NRXN1: variants seen among roughly 807,000 people sequenced by gnomAD.
NRXN1 encodes the protein neurexin-1.
NRXN1 carries 39 observed loss-of-function variants against 150.9 expected under a neutral mutation model. The ratio of observed to expected loss-of-function variants is 0.26; its 90% CI spans 0.20 to 0.34. The LOEUF (loss-of-function observed/expected upper bound fraction) is 0.34. Among genes scored for constraint, NRXN1 ranks in the 10% least tolerant of loss-of-function variants. The pLI, the probability that NRXN1 is intolerant of heterozygous loss-of-function variation, is 1.00. For missense variants in NRXN1, 1,815 were observed against 1,949.9 expected (o/e 0.93, Z 1.30); for synonymous variants, 924 against 757.0 (o/e 1.22, Z -3.62).
chr2:50,813,845 T>C (rs1668558220), intron 5 of NRXN1, among the ~76,000 whole-genome samples: 1 of 152,196 alleles, frequency 6.6e-6, no homozygotes, highest in Non-Finnish European at 1.5e-5. Context: ...TTCACTGAAC[T>C]ACTAATTATT....
chr2:50,984,016 G>A (rs1167662250), intron 2 of NRXN1, among the ~76,000 whole-genome samples: 1 of 151,622 alleles, frequency 6.6e-6, no homozygotes, highest in Admixed American at 6.6e-5. Flanking sequence ...TGCCCAGGCT[G>A]GAAGGCAGTA....
intron 5 of NRXN1, among the ~76,000 whole-genome samples, chr2:50,884,549 T>C (rs1158549277): frequency 1.3e-5 from 2 of 151,766 alleles, no homozygotes; most frequent in African/African-American, 2.4e-5. Context: ...CTAGAGATCA[T>C]GTATTCATGT....
chr2:50,997,880 T>A (rs1038332353), intron 2 of NRXN1, among the ~76,000 whole-genome samples: 1 of 141,376 alleles, frequency 7.1e-6, no homozygotes, highest in Non-Finnish European at 1.5e-5. Flanking sequence ...TAATAAACAC[T>A]CTTCCTTAAA....
At chr2:50,253,873 C>A (rs372285384) in intron 17 of NRXN1, among the ~76,000 whole-genome samples, 6 of 150,690 alleles carry the variant, frequency 4.0e-5, no homozygotes, top group Admixed American at 6.6e-5. Flanking sequence ...CTGAAGTTTT[C>A]TTTTTTTTTG....
intron 17 of NRXN1, among the ~76,000 whole-genome samples, chr2:50,293,193 A>G (rs1238832139): frequency 6.6e-6 from 1 of 151,794 alleles, no homozygotes; most frequent in African/African-American, 2.4e-5. Flanking sequence ...CCTGCATAGA[A>G]CTCGTCTCAG....
intron 12 of NRXN1, among the ~76,000 whole-genome samples, chr2:50,509,018 T>C (rs2092352353): frequency 6.6e-6 from 1 of 152,178 alleles, no homozygotes; most frequent in Non-Finnish European, 1.5e-5. Context: ...GGTTGCTGAG[T>C]GCTTATTATG....
At chr2:50,488,766 G>C (rs1281932108) in intron 15 of NRXN1, among the ~76,000 whole-genome samples, 1 of 152,198 alleles carries the variant, frequency 6.6e-6, no homozygotes, top group Non-Finnish European at 1.5e-5. Context: ...AAACCCTGAA[G>C]ATTTAAATCT....
chr2:50,834,568 G>C (rs1030820080), intron 5 of NRXN1, among the ~76,000 whole-genome samples: 1 of 152,086 alleles, frequency 6.6e-6, no homozygotes, highest in Admixed American at 6.6e-5. Flanking sequence ...ATTGAGATAA[G>C]AATAATTGGT....
At chr2:49,929,177 C>G (rs983706750) in intron 22 of NRXN1, among the ~76,000 whole-genome samples, 10 of 152,074 alleles carry the variant, frequency 6.6e-5, no homozygotes, top group Admixed American at 6.6e-4. Context: ...CATCATGTGC[C>G]TGCATGATGG....
chr2:50,622,293 C>T (rs1680167245), intron 6 of NRXN1, among the ~76,000 whole-genome samples: 1 of 152,096 alleles, frequency 6.6e-6, no homozygotes, highest in East Asian at 1.9e-4. Flanking sequence ...TAGTATAAAC[C>T]TTTCAGAACA....
At chr2:50,873,693 A>G (rs544200008) in intron 5 of NRXN1, among the ~76,000 whole-genome samples, 14 of 151,794 alleles carry the variant, frequency 9.2e-5, no homozygotes, top group Non-Finnish European at 1.9e-4. Flanking sequence ...AGATTGAGTA[A>G]TTTTTCAAAA....
At chr2:50,320,755 G>A (rs1197626491) in intron 17 of NRXN1, among the ~76,000 whole-genome samples, 1 of 152,074 alleles carries the variant, frequency 6.6e-6, no homozygotes, top group Non-Finnish European at 1.5e-5. Flanking sequence ...TATGGAGGGG[G>A]CTGATGCCAG....
At chr2:50,539,822 G>T (rs2093349645) in intron 9 of NRXN1, among the ~76,000 whole-genome samples, 1 of 152,226 alleles carries the variant, frequency 6.6e-6, no homozygotes, top group Non-Finnish European at 1.5e-5. Context: ...ACACAAGAGA[G>T]ACCTGGAGAT....
chr2:50,497,794 T>C, intron 13 of NRXN1, 80 bp from the exon 14 acceptor site: 1 of 1,370,584 alleles, frequency 7.3e-7, no homozygotes, highest in Non-Finnish European at 1.0e-6. Context: ...CAATATCACA[T>C]TCTAAAATAC....
chr2:50,378,214 G>T lies in NRXN1; in HGVS notation c.3364+87228C>A, dbSNP rs560993831. ...AATAACTGACCTTTCATTTTTTGGG[G>T]TGATTTTCATAGGCATACATGTTTA... On this transcript the variant is annotated intron_variant, in intron 17 of 22. Transcript: ENST00000401669. Among the ~76,000 whole-genome samples, 43 of 152,206 alleles carry T rather than the reference G, an allele frequency of 2.8e-4. No individual in the cohort carries two copies. In the South Asian group the frequency reaches 3.1e-3, roughly 11 times the overall value.
At chr2:50,239,813 T>C (rs1445370732) in intron 17 of NRXN1, among the ~76,000 whole-genome samples, 1 of 149,140 alleles carries the variant, frequency 6.7e-6, no homozygotes, top group African/African-American at 2.4e-5. Flanking sequence ...TATCATATTC[T>C]AATGTCTTAT....
intron 17 of NRXN1, among the ~76,000 whole-genome samples, chr2:50,359,453 G>A (rs562444828): frequency 2.0e-5 from 3 of 151,518 alleles, no homozygotes; most frequent in African/African-American, 7.3e-5. Context: ...CGAGAACTTC[G>A]TGAAGCACAC....
At chr2:50,531,482 T>C in intron 10 of NRXN1, 52 bp from the exon 11 acceptor site, 2 of 1,357,570 alleles carry the variant, frequency 1.5e-6, no homozygotes, top group Non-Finnish European at 2.1e-6. Flanking sequence ...AGCGCATTAA[T>C]ACTTTAAAGA....
chr2:51,018,803 G>A (rs17041199), intron 2 of NRXN1, among the ~76,000 whole-genome samples: 1 of 151,946 alleles, frequency 6.6e-6, no homozygotes, highest in Non-Finnish European at 1.5e-5. Flanking sequence ...AAAATAATAA[G>A]TTTTTCATCA....
Sources: allele counts gnomAD v4.1 joint callset (sites outside exome capture counted in the v4.1 genomes callset), GRCh38; gene constraint gnomAD v4.1.1; transcripts MANE v1.5; gene names NCBI Gene and HGNC (gene_info 2026-07-23, HGNC 2026-07-21).